The following SCN1A variants were observed in gnomAD, a reference collection of about 807,000 sequenced individuals.
SCN1A encodes sodium channel protein type 1 subunit alpha.
Under a neutral mutation model 193.7 loss-of-function variants are expected in SCN1A, and 13 were observed. The ratio of observed to expected loss-of-function variants is 0.07; its 90% CI spans 0.04 to 0.11. SCN1A has a LOEUF of 0.11. SCN1A is among the 10% of genes least tolerant of loss of function. The pLI, the probability that SCN1A is intolerant of heterozygous loss-of-function variation, is 1.00. For synonymous variants in SCN1A, 781 were observed against 843.6 expected (o/e 0.93, Z 1.29); for missense variants, 1,432 against 2,451.1 (o/e 0.58, Z 8.78).
At position 165,987,509 on chromosome 2, in the gene SCN1A, A is replaced by G. The variant is rs1237521268; in HGVS notation, c.*3736T>C. 6 of 152,172 alleles carry G rather than the reference A, an allele frequency of 3.9e-5. No homozygotes were observed. The highest frequency in any genetic ancestry group is 8.8e-5 in the Non-Finnish European group (6 of 68,020). 9.4% of individuals were successfully genotyped at this position (152,172 alleles called of 1,614,324 possible). Reference sequence around the variant, plus strand: ...TTTTTCTAACTCCGTTATTTCTTCTACAATTGTTAATTAACATTCAACTGC... The same window carrying G: ...TTTTTCTAACTCCGTTATTTCTTCTGCAATTGTTAATTAACATTCAACTGC... On this transcript the variant is annotated 3_prime_UTR_variant, in exon 29 of 29. Coordinates refer to ENST00000674923, the MANE Select transcript of SCN1A (RefSeq NM_001165963.4).
At chr2:166,138,258 C>A (rs1406792923) in intron 1 of SCN1A, among the ~76,000 whole-genome samples, 1 of 152,176 alleles carries the variant, frequency 6.6e-6, no homozygotes, top group Non-Finnish European at 1.5e-5. Context: ...TTTGCATAAG[C>A]AATGAGGATC....
chr2:166,036,956 A>G (rs796691919), intron 18 of SCN1A, among the ~76,000 whole-genome samples: 26 of 152,344 alleles, frequency 1.7e-4, no homozygotes, highest in African/African-American at 6.3e-4. Flanking sequence ...AAAAATAACC[A>G]TTACAACTCA....
intron 3 of SCN1A, among the ~76,000 whole-genome samples, chr2:166,075,883 A>C (rs1684939959): frequency 1.3e-5 from 2 of 151,998 alleles, no homozygotes; most frequent in Non-Finnish European, 2.9e-5. Flanking sequence ...AGAGCATATT[A>C]TAATTTTAAT....
chr2:166,044,265 G>C (rs1697528625), intron 13 of SCN1A, among the ~76,000 whole-genome samples: 1 of 151,952 alleles, frequency 6.6e-6, no homozygotes, highest in African/African-American at 2.4e-5. Context: ...AGAATGAGGA[G>C]ATAGATTGCA....
At chr2:165,993,210 T>A (rs746279355) in intron 28 of SCN1A, 444 of 122,842 alleles carry the variant, frequency 3.6e-3, no homozygotes, top group East Asian at 0.017. Context: ...TGTGTGTGTG[T>A]GAGAGAGAGA....
chr2:165,992,503 G>A lies in SCN1A; in HGVS notation c.4853-81C>T. 2 of 1,528,550 alleles carry A rather than the reference G, an allele frequency of 1.3e-6. No individual in the cohort carries two copies. Among genetic ancestry groups the A allele is most frequent in the East Asian group, 2.3e-5 (1 of 43,998 alleles). The allele number at this position is 1,528,550 out of a possible 1,614,324, so 94.7% of individuals were successfully genotyped here. A position where few individuals can be genotyped will look rare whatever the true frequency, so the allele number is the denominator to read the frequency against. On this transcript the variant is annotated intron_variant, in intron 28 of 28. Coordinates refer to ENST00000674923, the MANE Select transcript of SCN1A (RefSeq NM_001165963.4). The surrounding 1 kb of genome is among the most constrained non-coding windows in gnomAD (Gnocchi z 6.5). ...CATATGTTTCTTCTAAAGCTCCAAG[G>A]TAAGGTTCAGAGTCCTGAACCCAGT...
Position 165,996,455 on chromosome 2 carries a change from A to T in SCN1A, c.4477-338T>A, listed in dbSNP as rs17791817. On this transcript the variant is annotated intron_variant, in intron 26 of 28. Transcript: ENST00000674923. Reference sequence around the variant, plus strand: ...AAATACTTGGTACCTTATACTATACATACTACCTTTATGATGTTAAAGGCA... The same window carrying T: ...AAATACTTGGTACCTTATACTATACTTACTACCTTTATGATGTTAAAGGCA... 0.069 allele frequency: 13,623 copies of T among 198,426 alleles called. 617 individuals are homozygous for T. The highest frequency in any genetic ancestry group is 0.17 in the Middle Eastern group (73 of 432). The allele number at this position is 198,426 out of a possible 1,614,324, so 12.3% of individuals were successfully genotyped here.
chr2:166,009,649 C>T (rs758979177), intron 23 of SCN1A, 70 bp downstream of exon 23: 233 of 1,471,874 alleles, frequency 1.6e-4, no homozygotes, highest in Non-Finnish European at 2.1e-4. Context: ...CATAGATTTT[C>T]CTTTTTCTAA....
At position 166,009,596 on chromosome 2, in the gene SCN1A, A is replaced by G. The variant is rs563921701; in HGVS notation, c.4002+123T>C. ...AAGTAAATATGCAACAGATAAAACA[A>G]TAAAGTAGCAATTTTGCAAGAATTT... On this transcript the variant is annotated intron_variant, in intron 23 of 28. Transcript: ENST00000674923. 8 of 837,124 alleles carry G rather than the reference A, an allele frequency of 9.6e-6. No homozygotes were observed. In the African/African-American group the frequency reaches 1.4e-4, roughly 15 times the overall value. 51.9% of individuals were successfully genotyped at this position (837,124 alleles called of 1,614,324 possible). A position where few individuals can be genotyped will look rare whatever the true frequency, so the allele number is the denominator to read the frequency against.
Position 166,015,611 on chromosome 2 carries a change from A to G in SCN1A, c.3546T>C (p.Thr1182=). The stretch of plus-strand genomic sequence containing the variant: ...CATTAGGATTCTTTTCTTTACCTTC[A>G]GTGAAACAAGCTTCTGGTTCAAGAG... ...EETLEPEACF[T]EGCVQRFKCC... Residue 1182 remains threonine, a synonymous_variant, in exon 20 of 29, where the codon ACT becomes ACC. Transcript: ENST00000674923. The G allele has an allele frequency of 6.2e-7, 1 of 1,612,628 alleles. No homozygotes were observed.
intron 2 of SCN1A, chr2:166,081,705 A>G (rs1223955141): frequency 1.3e-5 from 2 of 151,820 alleles, no homozygotes; most frequent in Non-Finnish European, 2.9e-5. Flanking sequence ...TTTTGGTTCA[A>G]TAATGTCCTT....
At chr2:165,997,159 C>A (rs1690190850) in intron 26 of SCN1A, among the ~76,000 whole-genome samples, 1 of 150,946 alleles carries the variant, frequency 6.6e-6, no homozygotes, top group Non-Finnish European at 1.5e-5. Context: ...CTGTCCCTCT[C>A]TCTTTTTTTT....
chr2:166,056,186 A>C (rs532834093), intron 6 of SCN1A, among the ~76,000 whole-genome samples: 21 of 152,186 alleles, frequency 1.4e-4, no homozygotes, highest in African/African-American at 4.6e-4. Flanking sequence ...GTAAATGTCC[A>C]AGAGTGGTGG....
chr2:166,050,613 G>GTATATATATA lies in SCN1A; in HGVS notation c.964+1096_964+1105dup, dbSNP rs368513344. ...CACCACACCCAACTCATTAAAAAAA[G>GTATATATATA]TATATATATATATATATATATATAT... On this transcript the variant is annotated intron_variant, in intron 9 of 28. Transcript: ENST00000674923. 2.6e-3 allele frequency among the ~76,000 whole-genome samples: 167 copies of GTATATATATA among 65,360 alleles called. 2 individuals carry two copies. Among genetic ancestry groups the GTATATATATA allele is most frequent in the Middle Eastern group, 0.022 (2 of 92 alleles). The allele number at this position is 65,360 out of a possible 152,430, so 42.9% of individuals were successfully genotyped here.
rs10527781 is a variant in SCN1A at position 166,145,142 on chromosome 2, ATTTTTTTTTTTT to A, written c.-50+3893_-50+3904del. 7.0e-4 allele frequency among the ~76,000 whole-genome samples: 90 copies of A among 129,028 alleles called. 3 individuals carry two copies. Among genetic ancestry groups the A allele is most frequent in the African/African-American group, 1.7e-3 (60 of 36,194 alleles). The allele number at this position is 129,028 out of a possible 152,430, so 84.6% of individuals were successfully genotyped here. ...TGAGCCACTGCACCTGGCCTAAGTA[ATTTTTTTTTTTT>A]TTTTTTTTTTTTTTTTTTTGTGGGG... On this transcript the variant is annotated intron_variant, in intron 1 of 26. Transcript: ENST00000635750.
rs185603299 is a variant in SCN1A at position 166,125,134 on chromosome 2, G to A, written c.-142+1790C>T. Among the ~76,000 whole-genome samples, 274 of 152,210 alleles carry A rather than the reference G, an allele frequency of 1.8e-3. 2 individuals are homozygous for A. The Middle Eastern group carries it at 0.034, about 19-fold the overall frequency. On this transcript the variant is annotated intron_variant, in intron 2 of 28. Transcript: ENST00000674923. ...TAAACTAATGCAATCTCAATTGAGC[G>A]GTGGAACATGCTTCATTCACTAATT...
At chr2:166,103,509 A>C (rs1049218845) in intron 2 of SCN1A, among the ~76,000 whole-genome samples, 1 of 151,906 alleles carries the variant, frequency 6.6e-6, no homozygotes, top group Non-Finnish European at 1.5e-5. Context: ...AGGAAGTATA[A>C]CAATAAGTTA....
At chr2:166,133,676 G>A (rs984500859) in intron 1 of SCN1A, 2 of 151,816 alleles carry the variant, frequency 1.3e-5, no homozygotes, top group African/African-American at 4.8e-5. Context: ...TTCTTCTTTA[G>A]CTAACGTGTA....
intron 2 of SCN1A, among the ~76,000 whole-genome samples, chr2:166,096,871 TTCAA>T (rs1376709519): frequency 2.6e-5 from 4 of 152,340 alleles, no homozygotes; most frequent in East Asian, 1.9e-4. Flanking sequence ...CCTAAAGTTC[TTCAA>T]TCACTTTTCT....
Sources: gnomAD v4.1 joint callset for allele counts (sites outside exome capture counted in the v4.1 genomes callset) on GRCh38, gnomAD v4.1.1 for gene constraint, Gnocchi (gnomAD v3.1) non-coding constraint, MANE v1.5 for transcripts, NCBI Gene and HGNC (gene_info 2026-07-23, HGNC 2026-07-21) for gene names.